Variants in IQSEC1 observed in about 807,000 individuals in gnomAD.
IQSEC1 encodes IQ motif and SEC7 domain-containing protein 1.
IQSEC1 carries 31 observed loss-of-function variants against 91.0 expected under a neutral mutation model. That is an observed-to-expected ratio of 0.34 (90% CI 0.26 to 0.46). The LOEUF is 0.46. IQSEC1 is among the 20% of genes least tolerant of loss of function. The pLI is 1.00. For missense variants in IQSEC1, 1,388 were observed against 1,575.6 expected (o/e 0.88, Z 2.02); for synonymous variants, 699 against 662.6 (o/e 1.05, Z -0.84).
chr3:12,909,202 C>T lies in IQSEC1; in HGVS notation c.2578+71G>A, dbSNP rs1199960229. On this transcript the variant is annotated intron_variant, in intron 11 of 13. Transcript: ENST00000613206. This position sits in a 1 kb window ranked among gnomAD's most constrained non-coding sequence, Gnocchi z 4.9. ...GTCTCTGTGAGCTCAGAAGTCACTG[C>T]CCTGACATGGGGAGGCAAGTGCCAG... 2.0e-6 allele frequency: 3 copies of T among 1,519,948 alleles called. No homozygotes were observed. Among genetic ancestry groups the T allele is most frequent in the Non-Finnish European group, 1.8e-6 (2 of 1,105,642 alleles). The allele number at this position is 1,519,948 out of a possible 1,614,324, so 94.2% of individuals were successfully genotyped here.
chr3:13,143,166 C>T (rs553858338), intron 2 of IQSEC1, among the ~76,000 whole-genome samples: 2 of 152,352 alleles, frequency 1.3e-5, no homozygotes, highest in African/African-American at 2.4e-5. Context: ...ATCAGCCTTG[C>T]TCCTCCCTGG....
Position 12,967,351 on chromosome 3 carries a change from C to T in IQSEC1, c.24-25486G>A. Reference sequence around the variant, plus strand: ...GCCTGCGCCAGCCCACCGCTCAGCACCCGGGAAGGCCGCTCGCCCCGCGCC... The same window carrying T: ...GCCTGCGCCAGCCCACCGCTCAGCATCCGGGAAGGCCGCTCGCCCCGCGCC... On this transcript the variant is annotated intron_variant, in intron 1 of 13. Transcript: ENST00000613206. This position sits in a 1 kb window ranked among gnomAD's most constrained non-coding sequence, Gnocchi z 5.9. 1.3e-6 allele frequency: 2 copies of T among 1,515,544 alleles called. No homozygotes were observed. Among genetic ancestry groups the T allele is most frequent in the Non-Finnish European group, 1.8e-6 (2 of 1,131,230 alleles). The allele number at this position is 1,515,544 out of a possible 1,614,324, so 93.9% of individuals were successfully genotyped here. A position where few individuals can be genotyped will look rare whatever the true frequency, so the allele number is the denominator to read the frequency against.
At chr3:13,096,772 C>T (rs368163583) in intron 2 of IQSEC1, among the ~76,000 whole-genome samples, 1 of 152,152 alleles carries the variant, frequency 6.6e-6, no homozygotes, top group African/African-American at 2.4e-5. Context: ...CCCCAGCTAC[C>T]CTCCCACCAG....
At chr3:13,056,191 G>A (rs1704873850) in intron 1 of IQSEC1, among the ~76,000 whole-genome samples, 1 of 152,188 alleles carries the variant, frequency 6.6e-6, no homozygotes, top group Admixed American at 6.5e-5. Flanking sequence ...GCCAAGTCCT[G>A]TTCATTCTAG....
chr3:13,014,321 C>T (rs1194131140), intron 1 of IQSEC1, among the ~76,000 whole-genome samples: 7 of 152,220 alleles, frequency 4.6e-5, no homozygotes, highest in African/African-American at 1.7e-4. Flanking sequence ...CTCACAACAA[C>T]CCCGGAAGGG....
At chr3:13,042,510 G>A (rs149210286) in intron 1 of IQSEC1, 2,304 of 152,470 alleles carry the variant, frequency 0.015, 43 homozygotes, top group African/African-American at 0.052. Flanking sequence ...CCCGCCCGGC[G>A]CAGCTTGTAC....
intron 2 of IQSEC1, among the ~76,000 whole-genome samples, chr3:13,102,315 C>T (rs1416827261): frequency 6.6e-6 from 1 of 151,982 alleles, no homozygotes; most frequent in East Asian, 1.9e-4. Flanking sequence ...TAACCTCTGC[C>T]TTCCATGCGA....
chr3:13,235,283 C>T (rs905338644), intron 1 of IQSEC1, among the ~76,000 whole-genome samples: 1 of 152,164 alleles, frequency 6.6e-6, no homozygotes, highest in Non-Finnish European at 1.5e-5. Context: ...CATCCTGCCA[C>T]ACCCTCCCCG....
intron 10 of IQSEC1, 120 bp downstream of exon 10, chr3:12,911,509 C>T (rs1695552614): frequency 5.3e-6 from 4 of 749,348 alleles, no homozygotes; most frequent in Non-Finnish European, 9.4e-6. Context: ...AATCTGCTCT[C>T]TGGGGATAAA....
chr3:13,067,629 C>T (rs547904920), intron 1 of IQSEC1, among the ~76,000 whole-genome samples: 2 of 152,318 alleles, frequency 1.3e-5, no homozygotes, highest in South Asian at 4.1e-4. Flanking sequence ...TGACCACCCT[C>T]CTTCCCTTCC....
intron 2 of IQSEC1, among the ~76,000 whole-genome samples, chr3:13,117,569 CAAA>C (rs34002295): frequency 0.01 from 96 of 9,416 alleles, no homozygotes; most frequent in African/African-American, 0.035. Flanking sequence ...GACTCCGTCT[CAAA>C]AAAAAAAAAA....
intron 3 of IQSEC1, among the ~76,000 whole-genome samples, chr3:12,933,211 A>C (rs1697853661): frequency 6.6e-6 from 1 of 152,180 alleles, no homozygotes; most frequent in Admixed American, 6.5e-5. Context: ...CTTCAACTAA[A>C]AACGTGCCTA....
rs559556617 is a variant in IQSEC1, at chr3:13,219,556, C to T, written c.273-55423G>A. ...GCTGCCTCATTAATACTCATCGCCACTTCACCAACACCCACCCGGCGGTCT... is the reference window on the plus strand; with the variant it reads ...GCTGCCTCATTAATACTCATCGCCATTTCACCAACACCCACCCGGCGGTCT... On this transcript the variant is annotated intron_variant, in intron 1 of 15. Coordinates refer to the IQSEC1 transcript ENST00000648114. Among the ~76,000 whole-genome samples, 5 of 152,378 alleles carry T rather than the reference C, an allele frequency of 3.3e-5. No individual in the cohort carries two copies. The South Asian group carries it at 6.2e-4, about 19-fold the overall frequency.
At chr3:13,074,308 A>C (rs1370940885), upstream of IQSEC1, among the ~76,000 whole-genome samples, 1 of 151,286 alleles carries the variant, frequency 6.6e-6, no homozygotes, top group Non-Finnish European at 1.5e-5. Context: ...GGCGGAAGGC[A>C]GCCTGGTGTA....
At position 13,282,386 on chromosome 3, in the gene IQSEC1, G is replaced by A. The variant is rs1054371532; in HGVS notation, c.272+325C>T. 6.6e-6 allele frequency among the ~76,000 whole-genome samples: 1 copy of A among 152,220 alleles called. No individual in the cohort carries two copies. Among genetic ancestry groups the A allele is most frequent in the Non-Finnish European group, 1.5e-5 (1 of 67,982 alleles). The stretch of plus-strand genomic sequence containing the variant: ...AGGTCCGCTCCCCGGACAGACCTCC[G>A]CCCGGCTCGTCCGAGCCCCGGGGGT... On this transcript the variant is annotated intron_variant, in intron 1 of 15. Transcript: ENST00000648114. This position sits in a 1 kb window ranked among gnomAD's most constrained non-coding sequence, Gnocchi z 6.4.
At chr3:13,222,880 TC>T (rs1446504212) in intron 1 of IQSEC1, among the ~76,000 whole-genome samples, 1 of 152,020 alleles carries the variant, frequency 6.6e-6, no homozygotes, top group Admixed American at 6.5e-5. Context: ...GACTGGCTGG[TC>T]CCCCATGGCA....
chr3:13,170,081 C>T (rs933418162), intron 1 of IQSEC1, among the ~76,000 whole-genome samples: 15 of 152,316 alleles, frequency 9.8e-5, no homozygotes, highest in Admixed American at 9.1e-4. Flanking sequence ...CTAGGAGAAA[C>T]AAATGGTTTT....
chr3:13,243,361 G>A (rs776985679), intron 1 of IQSEC1, among the ~76,000 whole-genome samples: 47 of 152,172 alleles, frequency 3.1e-4, no homozygotes, highest in African/African-American at 1.1e-3. Flanking sequence ...ACCCTCGGAC[G>A]AAGGGCTGCC....
rs1401786545 is a variant in IQSEC1, at chr3:13,103,834, C to T, written c.303-56312G>A. On this transcript the variant is annotated intron_variant, in intron 2 of 15. Transcript: ENST00000648114. The surrounding 1 kb of genome is among the most constrained non-coding windows in gnomAD (Gnocchi z 4.1). ...CCATCACTGCTCTCTCCCCAGCGTG[C>T]GGCACATAGTAGGTGCTCAGTAAGT... Among the ~76,000 whole-genome samples the T allele has an allele frequency of 1.3e-5, 2 of 152,172 alleles. No homozygotes were observed. Among genetic ancestry groups the T allele is most frequent in the African/African-American group, 4.8e-5 (2 of 41,430 alleles).
Sources: gnomAD v4.1 joint callset for allele counts (sites outside exome capture counted in the v4.1 genomes callset) on GRCh38, gnomAD v4.1.1 for gene constraint, Gnocchi (gnomAD v3.1) non-coding constraint, MANE v1.5 for transcripts, NCBI Gene and HGNC (gene_info 2026-07-23, HGNC 2026-07-21) for gene names.